Variants in PKHD1 observed in about 807,000 individuals in gnomAD.
PKHD1 encodes PKHD1 ciliary IPT domain containing fibrocystin/polyductin.
A neutral mutation model predicts 412.0 loss-of-function variants in PKHD1; 291 were observed. That is an observed-to-expected ratio of 0.71 (90% confidence interval 0.64 to 0.78). PKHD1 has a LOEUF of 0.78. Ranked by LOEUF, PKHD1 falls within the 30% of genes least tolerant of loss-of-function variation. The pLI is 0.00. For missense variants in PKHD1, 4,825 were observed against 4,950.7 expected (o/e 0.97, Z 0.76); for synonymous variants, 1,777 against 1,821.5 (o/e 0.98, Z 0.62).
At chr6:51,745,482 C>T (rs904374210) in intron 59 of PKHD1, among the ~76,000 whole-genome samples, 1 of 152,106 alleles carries the variant, frequency 6.6e-6, no homozygotes, top group African/African-American at 2.4e-5. Flanking sequence ...GAGGGAGAAA[C>T]CTTCACCAGA....
chr6:51,776,182 T>G (rs1379143365), intron 53 of PKHD1, among the ~76,000 whole-genome samples: 1 of 152,026 alleles, frequency 6.6e-6, no homozygotes, highest in East Asian at 1.9e-4. Flanking sequence ...CCTACTAATA[T>G]TTATCCTGGT....
chr6:51,941,879 T>C (rs1239705182), intron 36 of PKHD1, among the ~76,000 whole-genome samples: 1 of 151,536 alleles, frequency 6.6e-6, no homozygotes, highest in African/African-American at 2.4e-5. Flanking sequence ...GCCGCAAGCC[T>C]TCACAGACAG....
At chr6:51,692,708 C>CT (rs1284500117) in intron 60 of PKHD1, among the ~76,000 whole-genome samples, 1 of 151,938 alleles carries the variant, frequency 6.6e-6, no homozygotes, top group African/African-American at 2.4e-5. Flanking sequence ...CATCACCTAT[C>CT]TTTTTTTTCC....
chr6:51,907,738 G>C (rs1402626364), intron 40 of PKHD1, among the ~76,000 whole-genome samples: 2 of 151,986 alleles, frequency 1.3e-5, no homozygotes, highest in South Asian at 2.1e-4. Context: ...AGGACATGAG[G>C]GGCTTCAGGG....
intron 39 of PKHD1, among the ~76,000 whole-genome samples, chr6:51,910,097 C>T (rs1782726330): frequency 6.6e-6 from 1 of 152,056 alleles, no homozygotes; most frequent in South Asian, 2.1e-4. Context: ...GGACAGCAAC[C>T]ACCTGAACTA....
chr6:52,056,130 A>G (rs1025221414), intron 18 of PKHD1, among the ~76,000 whole-genome samples: 3 of 152,218 alleles, frequency 2.0e-5, no homozygotes, highest in South Asian at 2.1e-4. Flanking sequence ...AGCTCCAGCT[A>G]TAAGAAACTC....
At chr6:51,741,766 C>T (rs961628248) in intron 60 of PKHD1, among the ~76,000 whole-genome samples, 1 of 152,216 alleles carries the variant, frequency 6.6e-6, no homozygotes, top group Non-Finnish European at 1.5e-5. Flanking sequence ...CCCCATTAAA[C>T]TACTTGGATT....
At chr6:51,772,382 TA>T (rs1790294161) in intron 55 of PKHD1, among the ~76,000 whole-genome samples, 1 of 151,988 alleles carries the variant, frequency 6.6e-6, no homozygotes, top group Admixed American at 6.6e-5. Context: ...TTAGACATAG[TA>T]TTCTTACCTC....
At position 51,647,965 on chromosome 6, in the gene PKHD1, C is replaced by T. The variant is rs2661501; in HGVS notation, c.11398+66G>A. ...CAATTTTGCTATGAATTCCTAATGGCTGCAAACATTTTCTGTGCAGATAAA... is the reference window on the plus strand; with the variant it reads ...CAATTTTGCTATGAATTCCTAATGGTTGCAAACATTTTCTGTGCAGATAAA... On this transcript the variant is annotated intron_variant, in intron 63 of 66. Coordinates refer to ENST00000371117, the MANE Select transcript of PKHD1 (RefSeq NM_138694.4). The T allele has an allele frequency of 9.4e-4, 908 of 964,120 alleles. 4 individuals carry two copies. In the East Asian group the frequency reaches 0.018, roughly 19 times the overall value. 59.7% of individuals were successfully genotyped at this position (964,120 alleles called of 1,614,324 possible). A position where few individuals can be genotyped will look rare whatever the true frequency, so the allele number is the denominator to read the frequency against.
intron 60 of PKHD1, among the ~76,000 whole-genome samples, chr6:51,681,693 G>T (rs1013002827): frequency 6.6e-6 from 1 of 151,880 alleles, no homozygotes; most frequent in African/African-American, 2.4e-5. Flanking sequence ...TCCCTTTTGG[G>T]CCATACTATT....
intron 54 of PKHD1, among the ~76,000 whole-genome samples, chr6:51,774,991 T>C (rs1790759819): frequency 6.6e-6 from 1 of 151,160 alleles, no homozygotes; most frequent in South Asian, 2.1e-4. Context: ...TATTGTCACA[T>C]AGCTTAAATA....
chr6:51,944,697 C>T (rs1789173043), intron 36 of PKHD1, among the ~76,000 whole-genome samples: 1 of 152,174 alleles, frequency 6.6e-6, no homozygotes, highest in African/African-American at 2.4e-5. Flanking sequence ...GGGTAATAAC[C>T]CCATCCCCCA....
chr6:51,758,054 A>AGAG (rs1485093515), intron 55 of PKHD1, among the ~76,000 whole-genome samples: 25 of 115,352 alleles, frequency 2.2e-4, no homozygotes, highest in African/African-American at 7.9e-4. Flanking sequence ...GAGAGAGAGA[A>AGAG]AACAAAGCAA....
chr6:51,793,894 T>C (rs1794149150), intron 52 of PKHD1, among the ~76,000 whole-genome samples: 1 of 152,190 alleles, frequency 6.6e-6, no homozygotes, highest in African/African-American at 2.4e-5. Context: ...TACCCAGTAA[T>C]GGGATTGCTG....
At chr6:51,649,527 G>C (rs1770603065) in intron 61 of PKHD1, among the ~76,000 whole-genome samples, 1 of 152,036 alleles carries the variant, frequency 6.6e-6, no homozygotes, top group Non-Finnish European at 1.5e-5. Flanking sequence ...ATTAGCCTCA[G>C]ACTAATATAG....
rs1766258666 is a variant in PKHD1, at chr6:51,618,730, G to A, written c.*351C>T. 5.6e-6 allele frequency: 2 copies of A among 356,146 alleles called. 1 individual carries two copies. The highest frequency in any genetic ancestry group is 4.6e-5 in the South Asian group (2 of 43,796). 22.1% of individuals were successfully genotyped at this position (356,146 alleles called of 1,614,324 possible). On this transcript the variant is annotated 3_prime_UTR_variant, in exon 67 of 67. Transcript: ENST00000371117. The stretch of plus-strand genomic sequence containing the variant: ...AAAAGAAGCTCAAAGCATTGTGGGT[G>A]GTCAATCCAGAGAATGCTTAATAAT...
At chr6:51,963,583 A>G (rs1292606084) in intron 35 of PKHD1, among the ~76,000 whole-genome samples, 3 of 152,128 alleles carry the variant, frequency 2.0e-5, no homozygotes, top group African/African-American at 7.2e-5. Context: ...GCACGTTGCC[A>G]TAAGAATTTT....
rs746218728 is a variant in PKHD1, at chr6:52,017,529, T to C, written c.5481A>G (p.Thr1827=). The C allele has an allele frequency of 1.9e-6, 3 of 1,614,098 alleles. No individual in the cohort carries two copies. The highest frequency in any genetic ancestry group is 2.5e-6 in the Non-Finnish European group (3 of 1,179,896). Reference sequence around the variant, plus strand: ...AAGGCCACGATTCAAGCAGTTGCTCTGTCGCCATGGCAACTGTCAAATCAC... The same window carrying C: ...AAGGCCACGATTCAAGCAGTTGCTCCGTCGCCATGGCAACTGTCAAATCAC... The part of the protein sequence containing the change: ...VQCDLTVAMA[T]EQLLESWPYL... The change falls in exon 34 of 67, where the codon ACA becomes ACG. Residue 1827 remains threonine (T), a synonymous_variant. Coordinates refer to ENST00000371117, the MANE Select transcript of PKHD1 (RefSeq NM_138694.4).
chr6:51,867,879 G>A lies in PKHD1; in HGVS notation c.7717C>T (p.Arg2573Cys), dbSNP rs752994816. Residue 2573 changes from arginine to cysteine, a missense_variant, in exon 48 of 67, where the codon CGT becomes TGT. Physicochemically the swap from Arg to Cys is radical, Grantham distance 180. Transcript: ENST00000371117. ...SACGGGVLFH[R>C]MSIGLANTPE... ...TCCACTTACAAACCAATAGACATAC[G>A]ATGAAAAAGAACACCTCCTCCACAG... 36 of 1,612,986 alleles carry A rather than the reference G, an allele frequency of 2.2e-5. No individual in the cohort carries two copies. Among genetic ancestry groups the A allele is most frequent in the Non-Finnish European group, 2.5e-5 (30 of 1,179,280 alleles).
Sources: allele counts gnomAD v4.1 joint callset (sites outside exome capture counted in the v4.1 genomes callset), GRCh38; gene constraint gnomAD v4.1.1; transcripts MANE v1.5; gene names NCBI Gene and HGNC (gene_info 2026-07-23, HGNC 2026-07-21).